CDH13: variants seen among roughly 807,000 people sequenced by gnomAD.
The protein encoded by CDH13 is cadherin-13.
A neutral mutation model predicts 63.8 loss-of-function variants in CDH13; 24 were observed. That is an observed-to-expected ratio of 0.38 (90% CI 0.27 to 0.53). The LOEUF (loss-of-function observed/expected upper bound fraction) is 0.53. Ranked by LOEUF, CDH13 falls within the 20% of genes least tolerant of loss-of-function variation. The pLI, the probability that CDH13 is intolerant of heterozygous loss-of-function variation, is 0.85. For missense variants in CDH13, 1,049 were observed against 903.1 expected (o/e 1.16, Z -2.07); for synonymous variants, 503 against 355.3 (o/e 1.42, Z -4.67).
chr16:82,984,937 A>G (rs1309061978), intron 2 of CDH13, among the ~76,000 whole-genome samples: 2 of 152,170 alleles, frequency 1.3e-5, no homozygotes, highest in South Asian at 2.1e-4. Context: ...AGCATCTGCA[A>G]TATTCCTACT....
chr16:83,415,228 G>T (rs1355978800), intron 6 of CDH13, among the ~76,000 whole-genome samples: 1 of 151,964 alleles, frequency 6.6e-6, no homozygotes, highest in African/African-American at 2.4e-5. Context: ...AGATTAAATC[G>T]TGAAGAAATA....
intron 1 of CDH13, among the ~76,000 whole-genome samples, chr16:82,852,085 A>G (rs974746813): frequency 6.6e-6 from 1 of 152,200 alleles, no homozygotes; most frequent in Non-Finnish European, 1.5e-5. Context: ...TTAAGAGGGG[A>G]TGGAACCTGA....
intron 1 of CDH13, among the ~76,000 whole-genome samples, chr16:82,760,530 A>C (rs2034794791): frequency 6.6e-6 from 1 of 152,200 alleles, no homozygotes; most frequent in African/African-American, 2.4e-5. Flanking sequence ...CCTGTTTACA[A>C]AAATGTACCA....
chr16:82,861,716 G>C (rs11150502), intron 2 of CDH13, among the ~76,000 whole-genome samples: 114,723 of 152,116 alleles, frequency 0.75, 43,546 homozygotes, highest in East Asian at 0.88. Context: ...CCTTTTATTT[G>C]CTTCACATCT....
At chr16:83,417,829 G>C (rs907494192) in intron 6 of CDH13, among the ~76,000 whole-genome samples, 2 of 152,088 alleles carry the variant, frequency 1.3e-5, no homozygotes, top group African/African-American at 4.8e-5. Flanking sequence ...GGGAAACTGG[G>C]ATGTCAGTTT....
chr16:83,718,278 C>T (rs1433105588), intron 10 of CDH13, among the ~76,000 whole-genome samples: 2 of 152,232 alleles, frequency 1.3e-5, no homozygotes, highest in Non-Finnish European at 2.9e-5. Context: ...ATATCGTAGG[C>T]TGGGGGAGGT....
At chr16:83,215,205 T>A (rs1431967936) in intron 4 of CDH13, among the ~76,000 whole-genome samples, 3 of 145,370 alleles carry the variant, frequency 2.1e-5, no homozygotes, top group Admixed American at 7.2e-5. Flanking sequence ...GCCTCCAGAG[T>A]AACAGGGATT....
In CDH13 at chr16:83,260,400, T is replaced by G. The variant is rs141335389; in HGVS notation, c.636+42903T>G. Among the ~76,000 whole-genome samples, 616 of 152,198 alleles carry G rather than the reference T, an allele frequency of 4.0e-3. 3 individuals carry two copies. The highest frequency in any genetic ancestry group is 0.014 in the African/African-American group (588 of 41,520). On this transcript the variant is annotated intron_variant, in intron 5 of 13. Coordinates refer to ENST00000567109, the MANE Select transcript of CDH13 (RefSeq NM_001257.5). Reference sequence around the variant, plus strand: ...TCCAGTGTTCTGGAAAGAATTAAATTTTTTATTAGTATCTATTTCTCATAT... The same window carrying G: ...TCCAGTGTTCTGGAAAGAATTAAATGTTTTATTAGTATCTATTTCTCATAT...
intron 1 of CDH13, among the ~76,000 whole-genome samples, chr16:82,691,175 G>C (rs920837050): frequency 1.3e-5 from 2 of 152,200 alleles, no homozygotes; most frequent in Non-Finnish European, 2.9e-5. Flanking sequence ...GACCCTCGTG[G>C]AGGTGTTACC....
intron 1 of CDH13, among the ~76,000 whole-genome samples, chr16:82,786,161 G>A (rs1344545821): frequency 6.6e-6 from 1 of 152,174 alleles, no homozygotes; most frequent in Non-Finnish European, 1.5e-5. Context: ...AGTAGGTAAT[G>A]GAAAACGGTT....
chr16:82,935,237 A>G (rs571981406), intron 2 of CDH13, among the ~76,000 whole-genome samples: 23 of 152,280 alleles, frequency 1.5e-4, no homozygotes, highest in African/African-American at 5.1e-4. Flanking sequence ...GAAGGGAGAG[A>G]CAGCTCCTTA....
chr16:82,745,448 C>A (rs1206386582), intron 1 of CDH13, among the ~76,000 whole-genome samples: 2 of 151,988 alleles, frequency 1.3e-5, no homozygotes, highest in African/African-American at 4.8e-5. Context: ...ACTAAAAATA[C>A]AAAAAATTAG....
intron 1 of CDH13, among the ~76,000 whole-genome samples, chr16:82,727,303 C>G (rs547196364): frequency 2.6e-4 from 40 of 152,140 alleles, no homozygotes; most frequent in African/African-American, 9.6e-4. Flanking sequence ...GTGCCTTTAT[C>G]CTCTCCCATT....
intron 2 of CDH13, among the ~76,000 whole-genome samples, chr16:82,911,480 G>C (rs2041828176): frequency 6.6e-6 from 1 of 152,170 alleles, no homozygotes; most frequent in Admixed American, 6.5e-5. Context: ...ACGGAATCTT[G>C]ATGTTGCCTC....
chr16:82,732,426 C>T (rs1406581308), intron 1 of CDH13, among the ~76,000 whole-genome samples: 6 of 152,182 alleles, frequency 3.9e-5, no homozygotes, highest in Admixed American at 6.5e-5. Flanking sequence ...TGCTAAAAAT[C>T]AATGCCCACT....
At chr16:82,980,687 A>G (rs1167193003) in intron 2 of CDH13, among the ~76,000 whole-genome samples, 1 of 152,182 alleles carries the variant, frequency 6.6e-6, no homozygotes, top group Non-Finnish European at 1.5e-5. Context: ...GACATTTTCA[A>G]GCAAACTACC....
intron 4 of CDH13, among the ~76,000 whole-genome samples, chr16:83,150,630 C>G (rs987508334): frequency 6.6e-6 from 1 of 152,154 alleles, no homozygotes; most frequent in African/African-American, 2.4e-5. Flanking sequence ...GATATCTGTC[C>G]TTATAGAGCG....
At chr16:83,114,521 C>T (rs1259801592) in intron 3 of CDH13, among the ~76,000 whole-genome samples, 1 of 152,190 alleles carries the variant, frequency 6.6e-6, no homozygotes, top group Admixed American at 6.5e-5. Flanking sequence ...ACACCCCCTG[C>T]CATGAGATGA....
chr16:83,733,169 A>G (rs1234498998), intron 10 of CDH13, among the ~76,000 whole-genome samples: 1 of 152,212 alleles, frequency 6.6e-6, no homozygotes, highest in Non-Finnish European at 1.5e-5. Flanking sequence ...GGAAATCAGT[A>G]CACAGGGCTG....
Sources: gnomAD v4.1 joint callset for allele counts (sites outside exome capture counted in the v4.1 genomes callset) on GRCh38, gnomAD v4.1.1 for gene constraint, MANE v1.5 for transcripts, NCBI Gene and HGNC (gene_info 2026-07-23, HGNC 2026-07-21) for gene names.